COMT: variants seen among roughly 807,000 people sequenced by gnomAD.
The protein encoded by COMT is catechol O-methyltransferase.
COMT carries 13 observed loss-of-function variants against 18.9 expected under a neutral mutation model. The observed-to-expected ratio is 0.69, with a 90% CI of 0.45 to 1.09. COMT has a LOEUF of 1.09. COMT is among the 50% of genes least tolerant of loss of function. The probability of loss-of-function intolerance (pLI) is 0.00; values close to 1 mark genes in which losing one functional copy is unlikely to be tolerated. For missense variants in COMT, 329 were observed against 361.8 expected (o/e 0.91, Z 0.73); for synonymous variants, 150 against 160.9 (o/e 0.93, Z 0.51).
chr22:19,948,043 A>G (rs564190153), intron 1 of COMT, among the ~76,000 whole-genome samples: 1 of 152,338 alleles, frequency 6.6e-6, no homozygotes, highest in Admixed American at 6.5e-5. Context: ...CTCCTAGGTT[A>G]TAATTGTAGA....
intron 4 of COMT, 142 bp from the exon 5 acceptor site, chr22:19,964,026 G>T (rs1218445998): frequency 6.5e-7 from 1 of 1,542,130 alleles, no homozygotes. Context: ...GAACCCTAAA[G>T]AAAACTGATG....
intron 1 of COMT, among the ~76,000 whole-genome samples, chr22:19,944,460 TG>T (rs1400678735): frequency 6.8e-6 from 1 of 147,244 alleles, no homozygotes; most frequent in African/African-American, 2.6e-5. Context: ...AACTGGGAGG[TG>T]GGGGGCTGCA....
At chr22:19,964,076 G>T (rs1490479804) in intron 4 of COMT, 92 bp from the exon 5 acceptor site, 8 of 1,610,950 alleles carry the variant, frequency 5.0e-6, no homozygotes, top group Non-Finnish European at 6.8e-6. Flanking sequence ...TCCTGTCTGT[G>T]TGGGCGTGGG....
chr22:19,965,827 TGGGA>T (rs934665991), intron 5 of COMT, among the ~76,000 whole-genome samples: 6 of 57,104 alleles, frequency 1.1e-4, no homozygotes, highest in African/African-American at 4.1e-4. Context: ...ATTGGGAGGG[TGGGA>T]GGGAGACCTA....
intron 3 of COMT, 146 bp from the exon 4 acceptor site, chr22:19,963,420 T>G (rs2146168217): frequency 1.4e-5 from 12 of 875,318 alleles, no homozygotes; most frequent in Non-Finnish European, 2.1e-5. Flanking sequence ...CTCCAGCGGG[T>G]AGGGAGGGTG....
intron 1 of COMT, among the ~76,000 whole-genome samples, chr22:19,955,328 T>C (rs1035914207): frequency 6.6e-6 from 1 of 152,204 alleles, no homozygotes; most frequent in African/African-American, 2.4e-5. Flanking sequence ...TCTCAGCCTG[T>C]CCACAGGCGC....
intron 5 of COMT, chr22:19,964,751 A>C: frequency 2.4e-6 from 1 of 423,342 alleles, no homozygotes; most frequent in South Asian, 2.5e-5. Context: ...GCATTCCCCC[A>C]ACCCAGCCCC....
rs555122417 is a variant in COMT at position 19,945,823 on chromosome 22, G to A, written c.-92+3926G>A. On this transcript the variant is annotated intron_variant, in intron 1 of 5. Coordinates refer to ENST00000361682, the MANE Select transcript of COMT (RefSeq NM_000754.4). ...TGGGACTACAGGTGCCTGCCACCAC[G>A]CCCGGCTAATTTTTTGTGTTTTTAG... Among the ~76,000 whole-genome samples, 8 of 152,138 alleles carry A rather than the reference G, an allele frequency of 5.3e-5. No homozygotes were observed. The South Asian group carries it at 1.5e-3, about 28-fold the overall frequency.
chr22:19,960,889 CCCT>C (rs1942177227), intron 1 of COMT, among the ~76,000 whole-genome samples: 1 of 152,252 alleles, frequency 6.6e-6, no homozygotes, highest in South Asian at 2.1e-4. Flanking sequence ...CAGAGTGGTT[CCCT>C]CCTCTTGTGG....
chr22:19,943,745 AGC>A (rs1941788698), intron 1 of COMT, among the ~76,000 whole-genome samples: 1 of 152,240 alleles, frequency 6.6e-6, no homozygotes, highest in Admixed American at 6.5e-5. Flanking sequence ...CCTACAGGGC[AGC>A]AGTTGAGGTT....
intron 5 of COMT, 191 bp downstream of exon 5, chr22:19,964,490 G>A: frequency 2.3e-6 from 2 of 865,660 alleles, no homozygotes; most frequent in Admixed American, 2.0e-5. Context: ...TGGGTGGGGA[G>A]CTGGGCCAGG....
intron 5 of COMT, chr22:19,967,781 TC>T (rs574555015): frequency 1.1e-3 from 249 of 231,724 alleles, no homozygotes; most frequent in African/African-American, 5.4e-3. Context: ...AGGTCCTTCC[TC>T]CCCATAGGCA....
intron 2 of COMT, 130 bp from the exon 3 acceptor site, chr22:19,962,397 A>G: frequency 6.8e-7 from 1 of 1,475,432 alleles, no homozygotes; most frequent in East Asian, 2.5e-5. Flanking sequence ...ACTGAGGCAC[A>G]AGGCTGGCAT....
At chr22:19,964,895 GCCCCATCCCTCC>G (rs1942308403) in intron 5 of COMT, 12 of 223,800 alleles carry the variant, frequency 5.4e-5, no homozygotes, top group Admixed American at 2.1e-4. Flanking sequence ...GTGACACACT[GCCCCATCCCTCC>G]CTGGTGGTCA....
Position 19,962,638 on chromosome 22 carries a change from T to C in COMT, c.112T>C (p.Trp38Arg). ...HWGWGLCLIGWNEFILQPIHN... is the reference protein window; with the variant it reads ...HWGWGLCLIGRNEFILQPIHN... ...GGGCTGGGGCCTGTGCCTTATCGGC[T>C]GGAACGAGTTCATCCTGCAGCCCAT... The change falls in exon 3 of 6, where the codon TGG (tryptophan) becomes CGG (arginine). Residue 38 changes from tryptophan to arginine, a missense_variant. Physicochemically the swap from Trp to Arg is moderately radical, Grantham distance 101. Coordinates refer to ENST00000361682, the MANE Select transcript of COMT (RefSeq NM_000754.4). The C allele has an allele frequency of 6.2e-7, 1 of 1,607,064 alleles. No individual in the cohort carries two copies. The highest frequency in any genetic ancestry group is 8.5e-7 in the Non-Finnish European group (1 of 1,177,618).
At chr22:19,952,098 A>G (rs560706836) in intron 1 of COMT, among the ~76,000 whole-genome samples, 9 of 151,650 alleles carry the variant, frequency 5.9e-5, no homozygotes, top group African/African-American at 2.2e-4. Context: ...CCAGGAGTTT[A>G]AGACCAGCCT....
intron 1 of COMT, among the ~76,000 whole-genome samples, chr22:19,948,717 G>T (rs908783938): frequency 3.9e-5 from 6 of 152,082 alleles, no homozygotes. Flanking sequence ...CATTTTGGGA[G>T]GTCAAGGTGG....
intron 4 of COMT, 151 bp downstream of exon 4, chr22:19,963,910 C>T: frequency 1.6e-6 from 2 of 1,213,100 alleles, no homozygotes; most frequent in Non-Finnish European, 2.3e-6. Flanking sequence ...CAGCCTGGGG[C>T]TGAGGAAAGA....
At position 19,960,893 on chromosome 22, in the gene COMT, C is replaced by A. The variant is rs187939759; in HGVS notation, c.-91-306C>A. 2.4e-3 allele frequency among the ~76,000 whole-genome samples: 373 copies of A among 152,370 alleles called. 2 individuals carry two copies. The highest frequency in any genetic ancestry group is 8.5e-3 in the African/African-American group (354 of 41,594). ...TACAACTTGAGCAGAGTGGTTCCCT[C>A]CTCTTGTGGTTCACAAGGTGCAGGT... On this transcript the variant is annotated intron_variant, in intron 1 of 5. Coordinates refer to ENST00000361682, the MANE Select transcript of COMT (RefSeq NM_000754.4).
Sources: gnomAD v4.1 joint callset for allele counts (sites outside exome capture counted in the v4.1 genomes callset) on GRCh38, gnomAD v4.1.1 for gene constraint, MANE v1.5 for transcripts, NCBI Gene and HGNC (gene_info 2026-07-23, HGNC 2026-07-21) for gene names.